The following MMP28 variants were observed in gnomAD, a reference collection of about 807,000 sequenced individuals.
The protein encoded by MMP28 is matrix metallopeptidase 28, also known as matrix metalloproteinase-28.
A neutral mutation model predicts 60.5 loss-of-function variants in MMP28; 55 were observed. That is an observed-to-expected ratio of 0.91 (90% CI 0.73 to 1.14). MMP28 has a LOEUF of 1.14. MMP28 is among the 50% of genes most tolerant of loss of function. The pLI is 0.00. For synonymous variants in MMP28, 318 were observed against 312.5 expected, an observed-to-expected ratio of 1.02 and a Z score of -0.18; for missense variants, 686 against 738.3, an observed-to-expected ratio of 0.93 and a Z score of 0.82.
At chr17:35,762,072 C>A (rs1172209342), downstream of MMP28, among the ~76,000 whole-genome samples, 4 of 152,084 alleles carry the variant, frequency 2.6e-5, no homozygotes, top group Admixed American at 2.6e-4. Context: ...TAAACCACAA[C>A]CTCCGACCCC....
rs1555603074 is a variant in MMP28 at position 35,766,282 on chromosome 17, C to T, written c.*218G>A. 10 of 1,346,764 alleles carry T rather than the reference C, an allele frequency of 7.4e-6. No individual in the cohort carries two copies. Among genetic ancestry groups the T allele is most frequent in the African/African-American group, 1.5e-5 (1 of 68,656 alleles). The allele number at this position is 1,346,764 out of a possible 1,614,324, so 83.4% of individuals were successfully genotyped here. The stretch of plus-strand genomic sequence containing the variant: ...GATCTGGGACCCTTTTTTGCTTTTC[C>T]TAAGATTGATCCCACCCCCACCTCC... On this transcript the variant is annotated 3_prime_UTR_variant, in exon 8 of 8. Transcript: ENST00000605424. The surrounding 1 kb of genome is among the most constrained non-coding windows in gnomAD (Gnocchi z 4.3).
intron 2 of MMP28, 50 bp downstream of exon 2, chr17:35,779,194 T>C: frequency 1.3e-6 from 2 of 1,576,624 alleles, no homozygotes; most frequent in Non-Finnish European, 1.7e-6. Context: ...TGGTCAGAGC[T>C]TGGCATCCTA....
intron 1 of MMP28, among the ~76,000 whole-genome samples, chr17:35,781,893 C>T (rs2143480223): frequency 6.6e-6 from 1 of 151,990 alleles, no homozygotes; most frequent in Non-Finnish European, 1.5e-5. Context: ...GGGGGTCTCA[C>T]TATGTTGCCC....
In MMP28 at chr17:35,767,887, T is replaced by A; in HGVS notation, c.1033A>T (p.Ser345Cys). 1 of 1,605,848 alleles carries A rather than the reference T, an allele frequency of 6.2e-7. No individual in the cohort carries two copies. The highest frequency in any genetic ancestry group is 8.5e-7 in the Non-Finnish European group (1 of 1,176,034). The change falls in exon 7 of 8, where the codon AGC (serine) becomes TGC (cysteine). Residue 345 changes from serine to cysteine, a missense_variant. Coordinates refer to ENST00000605424, the MANE Select transcript of MMP28 (RefSeq NM_024302.5). Reference sequence around the variant, plus strand: ...TCAGCTGCCACCTCCCAGAAATGGCTCCCTTTAAAAATGTACAGTTGCTGT... The same window carrying A: ...TCAGCTGCCACCTCCCAGAAATGGCACCCTTTAAAAATGTACAGTTGCTGT... ...RQQQLYIFKG[S>C]HFWEVAADGN... is the part of the protein sequence containing the mutation.
chr17:35,765,178 C>T (rs1411935079), downstream of MMP28: 1 of 152,302 alleles, frequency 6.6e-6, no homozygotes, highest in Non-Finnish European at 1.5e-5. Context: ...CCCTCTCTAC[C>T]CCAGAACGGT....
intron 1 of MMP28, among the ~76,000 whole-genome samples, chr17:35,791,264 A>G (rs1436651675): frequency 1.3e-5 from 2 of 151,866 alleles, no homozygotes; most frequent in Admixed American, 1.3e-4. Flanking sequence ...ATTGTAGAAT[A>G]GTAGAATTCC....
At chr17:35,789,076 T>C (rs1164301257) in intron 1 of MMP28, among the ~76,000 whole-genome samples, 1 of 152,060 alleles carries the variant, frequency 6.6e-6, no homozygotes, top group South Asian at 2.1e-4. Flanking sequence ...CTTAATCTCC[T>C]CCCTGGCAAA....
At position 35,795,405 on chromosome 17, in the gene MMP28, G is replaced by C. The variant is rs989559795; in HGVS notation, c.-28C>G. 1.4e-6 allele frequency: 2 copies of C among 1,383,172 alleles called. No individual in the cohort carries two copies. Among genetic ancestry groups the C allele is most frequent in the Admixed American group, 3.3e-5 (1 of 30,616 alleles). The allele number at this position is 1,383,172 out of a possible 1,614,324, so 85.7% of individuals were successfully genotyped here. ...CGCCGCCTCCGGTGCAGCCCGGCTCGGGGAGCTACTGCGCGCAGGGAACCA... is the reference window on the plus strand; with the variant it reads ...CGCCGCCTCCGGTGCAGCCCGGCTCCGGGAGCTACTGCGCGCAGGGAACCA... On this transcript the variant is annotated 5_prime_UTR_variant, in exon 1 of 8. Transcript: ENST00000605424.
At chr17:35,786,647 T>A (rs113441793) in intron 1 of MMP28, among the ~76,000 whole-genome samples, 1,887 of 145,238 alleles carry the variant, frequency 0.013, 20 homozygotes, top group Non-Finnish European at 0.021. Flanking sequence ...GGCAGGAAGA[T>A]TTCTTGAGGC....
chr17:35,795,391 G>T lies in MMP28; in HGVS notation c.-14C>A. ...GCGCGCGACCATCTCGCCGCCTCCG[G>T]TGCAGCCCGGCTCGGGGAGCTACTG... On this transcript the variant is annotated 5_prime_UTR_variant, in exon 1 of 8. Coordinates refer to ENST00000605424, the MANE Select transcript of MMP28 (RefSeq NM_024302.5). The T allele has an allele frequency of 7.1e-7, 1 of 1,407,846 alleles. No homozygotes were observed. Among genetic ancestry groups the T allele is most frequent in the Non-Finnish European group, 9.2e-7 (1 of 1,085,418 alleles). The allele number at this position is 1,407,846 out of a possible 1,614,324, so 87.2% of individuals were successfully genotyped here.
chr17:35,765,892 G>A lies in MMP28; in HGVS notation c.*608C>T, dbSNP rs2085924225. 5.1e-6 allele frequency: 5 copies of A among 985,326 alleles called. No individual in the cohort carries two copies. In the South Asian group the frequency reaches 1.9e-4, roughly 37 times the overall value. 61.0% of individuals were successfully genotyped at this position (985,326 alleles called of 1,614,324 possible). A position where few individuals can be genotyped will look rare whatever the true frequency, so the allele number is the denominator to read the frequency against. On this transcript the variant is annotated 3_prime_UTR_variant, in exon 8 of 8. Transcript: ENST00000605424. ...CCTGCCTCTCGGCCCACCAGCTGAA[G>A]GCACCTCTTTATTCCAGCCCCAGAC...
chr17:35,779,496 C>G, intron 1 of MMP28, 173 bp from the exon 2 acceptor site: 1 of 588,448 alleles, frequency 1.7e-6, no homozygotes, highest in Non-Finnish European at 3.0e-6. Flanking sequence ...GACCTGGACT[C>G]AATTCCAGGT....
intron 1 of MMP28, among the ~76,000 whole-genome samples, chr17:35,789,135 G>A (rs2086737102): frequency 6.6e-6 from 1 of 152,178 alleles, no homozygotes; most frequent in African/African-American, 2.4e-5. Context: ...GCACAGAGGG[G>A]ACACAGAGCC....
At chr17:35,778,725 C>T (rs907783798) in intron 3 of MMP28, 163 bp downstream of exon 3, 3 of 1,449,560 alleles carry the variant, frequency 2.1e-6, no homozygotes, top group Non-Finnish European at 2.7e-6. Flanking sequence ...TCTGTATTCA[C>T]AATCATGGTC....
At chr17:35,759,718 C>G (rs1291296602) in intron 2 of MMP28, among the ~76,000 whole-genome samples, 4 of 151,034 alleles carry the variant, frequency 2.6e-5, no homozygotes, top group African/African-American at 9.8e-5. Flanking sequence ...ACCGCCCCCC[C>G]AAAAAAGATT....
chr17:35,787,586 G>T (rs1197496230), intron 1 of MMP28, among the ~76,000 whole-genome samples: 1 of 152,170 alleles, frequency 6.6e-6, no homozygotes, highest in Non-Finnish European at 1.5e-5. Context: ...CGCCTCCTGG[G>T]CACAAGCGAT....
In MMP28 at chr17:35,773,066, G is replaced by T. The variant is rs2086208664; in HGVS notation, c.604+114C>A. On this transcript the variant is annotated intron_variant, in intron 4 of 7. Transcript: ENST00000605424. Reference sequence around the variant, plus strand: ...GGAGACTGAGGGTTCTCTGCAGGGAGATGTGCCTCAGCCAAGGCCACAGGG... The same window carrying T: ...GGAGACTGAGGGTTCTCTGCAGGGATATGTGCCTCAGCCAAGGCCACAGGG... 1.3e-5 allele frequency: 11 copies of T among 872,304 alleles called. No homozygotes were observed. The East Asian group carries it at 2.9e-4, about 23-fold the overall frequency. The allele number at this position is 872,304 out of a possible 1,614,324, so 54.0% of individuals were successfully genotyped here. A position where few individuals can be genotyped will look rare whatever the true frequency, so the allele number is the denominator to read the frequency against.
At chr17:35,781,474 T>G (rs569242242) in intron 1 of MMP28, among the ~76,000 whole-genome samples, 2 of 152,196 alleles carry the variant, frequency 1.3e-5, no homozygotes, top group African/African-American at 2.4e-5. Context: ...ATTGGTATAA[T>G]TGAGAACATC....
At chr17:35,778,581 T>C (rs2086400553) in intron 3 of MMP28, 5 of 481,508 alleles carry the variant, frequency 1.0e-5, no homozygotes, top group Non-Finnish European at 1.8e-5. Context: ...TAAATATAAA[T>C]GAAAAATGTT....
Sources: allele counts gnomAD v4.1 joint callset (sites outside exome capture counted in the v4.1 genomes callset), GRCh38; gene constraint gnomAD v4.1.1; non-coding constraint Gnocchi (gnomAD v3.1); transcripts MANE v1.5; gene names NCBI Gene and HGNC (gene_info 2026-07-23, HGNC 2026-07-21).